The following ZFR variants were observed in gnomAD, a reference collection of about 807,000 sequenced individuals.
The protein encoded by ZFR is zinc finger RNA-binding protein.
ZFR carries 19 observed loss-of-function variants against 130.7 expected under a neutral mutation model. The ratio of observed to expected loss-of-function variants is 0.15; its 90% CI spans 0.10 to 0.21. The LOEUF (loss-of-function observed/expected upper bound fraction) is 0.21. Ranked by LOEUF, ZFR falls within the 10% of genes least tolerant of loss-of-function variation. The pLI, the probability that ZFR is intolerant of heterozygous loss-of-function variation, is 1.00. For missense variants in ZFR, 872 were observed against 1,321.5 expected (o/e 0.66, Z 5.27); for synonymous variants, 466 against 456.9 (o/e 1.02, Z -0.25).
chr5:32,435,304 A>G (rs569014878), intron 2 of ZFR, among the ~76,000 whole-genome samples: 60 of 152,338 alleles, frequency 3.9e-4, no homozygotes, highest in Non-Finnish European at 7.6e-4. Context: ...ATTCACACTG[A>G]GTGAGATGGG....
intron 4 of ZFR, among the ~76,000 whole-genome samples, chr5:32,415,534 A>C (rs1161083326): frequency 4.8e-5 from 5 of 103,860 alleles, no homozygotes; most frequent in East Asian, 3.8e-4. Context: ...GCGCGCGCGC[A>C]CTAGTCAGTC....
At chr5:32,437,083 C>A (rs1005063512) in intron 2 of ZFR, among the ~76,000 whole-genome samples, 1 of 152,192 alleles carries the variant, frequency 6.6e-6, no homozygotes, top group African/African-American at 2.4e-5. Flanking sequence ...TTATATCATG[C>A]AATCCAGATA....
At chr5:32,381,337 A>G (rs1180711278) in intron 15 of ZFR, among the ~76,000 whole-genome samples, 1 of 152,182 alleles carries the variant, frequency 6.6e-6, no homozygotes, top group African/African-American at 2.4e-5. Context: ...ATTAACAGCA[A>G]ATCTGCTAAT....
At chr5:32,365,968 A>G (rs1236101734) in intron 17 of ZFR, among the ~76,000 whole-genome samples, 1 of 152,154 alleles carries the variant, frequency 6.6e-6, no homozygotes, top group Non-Finnish European at 1.5e-5. Context: ...GACAAGCTTC[A>G]GTCATCTAGA....
At chr5:32,415,513 T>TGTGTGCGC (rs1554073605) in intron 4 of ZFR, among the ~76,000 whole-genome samples, 1 of 92,250 alleles carries the variant, frequency 1.1e-5, no homozygotes, top group Non-Finnish European at 2.1e-5. Context: ...TGTGTGTGTG[T>TGTGTGCGC]GTGCGCGCGC....
Position 32,423,839 on chromosome 5 carries a change from T to C in ZFR, c.138-3736A>G, listed in dbSNP as rs142344741. 2.7e-4 allele frequency among the ~76,000 whole-genome samples: 41 copies of C among 152,314 alleles called. No homozygotes were observed. In the East Asian group the frequency reaches 6.0e-3, roughly 22 times the overall value. ...GCAACTAAATGAAAACTAGACTTCTTACTGGTAACACTAAAGCAAGAAGAT... is the reference window on the plus strand; with the variant it reads ...GCAACTAAATGAAAACTAGACTTCTCACTGGTAACACTAAAGCAAGAAGAT... On this transcript the variant is annotated intron_variant, in intron 2 of 19. Transcript: ENST00000265069.
At chr5:32,404,679 A>G (rs545071986) in intron 6 of ZFR, among the ~76,000 whole-genome samples, 10 of 152,390 alleles carry the variant, frequency 6.6e-5, no homozygotes, top group Non-Finnish European at 1.5e-5. Flanking sequence ...ATAGTATTAT[A>G]GTTACATTAG....
intron 2 of ZFR, among the ~76,000 whole-genome samples, chr5:32,438,280 T>G (rs1349428213): frequency 1.5e-5 from 2 of 130,290 alleles, no homozygotes; most frequent in Non-Finnish European, 3.3e-5. Context: ...TTTTTTTTTT[T>G]GAGACGGAGT....
intron 11 of ZFR, 27 bp from the exon 12 acceptor site, chr5:32,390,464 G>A (rs1295183325): frequency 1.3e-6 from 2 of 1,590,362 alleles, no homozygotes; most frequent in African/African-American, 1.3e-5. Context: ...GACATTATAA[G>A]CATATGAGGA....
At chr5:32,369,050 G>A (rs1752605530) in intron 17 of ZFR, among the ~76,000 whole-genome samples, 1 of 152,184 alleles carries the variant, frequency 6.6e-6, no homozygotes, top group South Asian at 2.1e-4. Flanking sequence ...TTTATATGGT[G>A]AAATGTATGA....
At chr5:32,409,839 A>G (rs1028650815) in intron 5 of ZFR, among the ~76,000 whole-genome samples, 1 of 152,118 alleles carries the variant, frequency 6.6e-6, no homozygotes, top group African/African-American at 2.4e-5. Context: ...GCCCAATGGG[A>G]TCCGCTCAAA....
At chr5:32,444,486 ACTCC>A (rs1581724042) in intron 1 of ZFR, 132 bp downstream of exon 1, 1 of 1,264,812 alleles carries the variant, frequency 7.9e-7, no homozygotes, top group African/African-American at 1.6e-5. Flanking sequence ...CCCGCCTCGC[ACTCC>A]CTCACTCACT....
At chr5:32,429,903 T>A (rs1463785298) in intron 2 of ZFR, among the ~76,000 whole-genome samples, 2 of 151,174 alleles carry the variant, frequency 1.3e-5, no homozygotes, top group Non-Finnish European at 3.0e-5. Context: ...GCCCTGCCTT[T>A]AAAAAAAAAT....
intron 19 of ZFR, among the ~76,000 whole-genome samples, chr5:32,361,278 A>G (rs950536923): frequency 1.3e-5 from 2 of 152,216 alleles, no homozygotes; most frequent in Non-Finnish European, 1.5e-5. Flanking sequence ...TTTGGCTCAT[A>G]CACCTGCTTT....
At chr5:32,423,311 A>C (rs1561915987) in intron 2 of ZFR, among the ~76,000 whole-genome samples, 1 of 152,150 alleles carries the variant, frequency 6.6e-6, no homozygotes, top group Non-Finnish European at 1.5e-5. Flanking sequence ...CCTGAGCAAC[A>C]GAGTGAGACC....
At chr5:32,415,538 G>A (rs1753809310) in intron 4 of ZFR, among the ~76,000 whole-genome samples, 1 of 151,480 alleles carries the variant, frequency 6.6e-6, no homozygotes, top group African/African-American at 2.4e-5. Context: ...GCGCGCACTA[G>A]TCAGTCTACT....
intron 2 of ZFR, among the ~76,000 whole-genome samples, chr5:32,443,909 TGGCGGCTCCGCTCGGCGGCC>T (rs1754531540): frequency 6.6e-6 from 1 of 152,040 alleles, no homozygotes; most frequent in Admixed American, 6.5e-5. Context: ...CGGGCGGCGG[TGGCGGCTCCGCTCGGCGGCC>T]GCAGGAGGCC....
chr5:32,437,552 T>C (rs13358689), intron 2 of ZFR, among the ~76,000 whole-genome samples: 32,495 of 152,162 alleles, frequency 0.21, 4,225 homozygotes, highest in African/African-American at 0.37. Flanking sequence ...AGTGGTGTCA[T>C]GGACAATTAA....
At chr5:32,441,697 G>C (rs1354036118) in intron 2 of ZFR, among the ~76,000 whole-genome samples, 1 of 152,070 alleles carries the variant, frequency 6.6e-6, no homozygotes, top group Admixed American at 6.5e-5. Flanking sequence ...CACACTTTTT[G>C]CATGTGCTTT....
Sources: allele counts gnomAD v4.1 joint callset (sites outside exome capture counted in the v4.1 genomes callset), GRCh38; gene constraint gnomAD v4.1.1; transcripts MANE v1.5; gene names NCBI Gene and HGNC (gene_info 2026-07-23, HGNC 2026-07-21).